The following RCVRN variants were observed in gnomAD, a reference collection of about 807,000 sequenced individuals.
RCVRN encodes the protein cancer associated retinopathy antigen.
A neutral mutation model predicts 20.4 loss-of-function variants in RCVRN; 23 were observed. The ratio of observed to expected loss-of-function variants is 1.13; its 90% CI spans 0.81 to 1.60. The LOEUF (loss-of-function observed/expected upper bound fraction) is 1.60, where lower values mean the gene tolerates loss of function less well. Among genes scored for constraint, RCVRN ranks in the 40% most tolerant of loss-of-function variants. The pLI, the probability that RCVRN is intolerant of heterozygous loss-of-function variation, is 0.00. For synonymous variants in RCVRN, 105 were observed against 105.9 expected (o/e 0.99, Z 0.05); for missense variants, 254 against 254.2 (o/e 1.00, Z 0.00).
In RCVRN at chr17:9,897,848, T is replaced by C; in HGVS notation, c.*247A>G. On this transcript the variant is annotated 3_prime_UTR_variant, in exon 3 of 3. Coordinates refer to ENST00000226193, the MANE Select transcript of RCVRN (RefSeq NM_002903.3). Reference sequence around the variant, plus strand: ...ATGGGCTGGTGGACAGAGGGAGGGGTGGGACCGGGCATGATGGGAGGGAAT... The same window carrying C: ...ATGGGCTGGTGGACAGAGGGAGGGGCGGGACCGGGCATGATGGGAGGGAAT... 4 of 475,024 alleles carry C rather than the reference T, an allele frequency of 8.4e-6. No individual in the cohort carries two copies. The highest frequency in any genetic ancestry group is 1.5e-5 in the Non-Finnish European group (4 of 263,456). The allele number at this position is 475,024 out of a possible 1,614,324, so 29.4% of individuals were successfully genotyped here. A position where few individuals can be genotyped will look rare whatever the true frequency, so the allele number is the denominator to read the frequency against.
At position 9,897,774 on chromosome 17, in the gene RCVRN, G is replaced by A. The variant is rs1484942830; in HGVS notation, c.*321C>T. Reference sequence around the variant, plus strand: ...CACTCCACAAAGGAGCTTACAGCGGGGTGACACTTAGGACTCCTATGGCCT... The same window carrying A: ...CACTCCACAAAGGAGCTTACAGCGGAGTGACACTTAGGACTCCTATGGCCT... On this transcript the variant is annotated 3_prime_UTR_variant, in exon 3 of 3. Coordinates refer to ENST00000226193, the MANE Select transcript of RCVRN (RefSeq NM_002903.3). 3 of 246,834 alleles carry A rather than the reference G, an allele frequency of 1.2e-5. No individual in the cohort carries two copies. Among genetic ancestry groups the A allele is most frequent in the African/African-American group, 6.7e-5 (3 of 44,756 alleles). 15.3% of individuals were successfully genotyped at this position (246,834 alleles called of 1,614,324 possible). A position where few individuals can be genotyped will look rare whatever the true frequency, so the allele number is the denominator to read the frequency against.
In RCVRN at chr17:9,899,173, C is replaced by T. The variant is rs911648878; in HGVS notation, c.494-969G>A. ...ATGTTCACAGTGCCTAGCACAGAGT[C>T]GGTGCTCAACAAAGCTTTGCTGAAC... On this transcript the variant is annotated intron_variant, in intron 2 of 2. Transcript: ENST00000226193. The surrounding 1 kb of genome is among the most constrained non-coding windows in gnomAD (Gnocchi z 4.6). Among the ~76,000 whole-genome samples the T allele has an allele frequency of 1.6e-4, 24 of 152,156 alleles. No individual in the cohort carries two copies. The highest frequency in any genetic ancestry group is 1.9e-4 in the East Asian group (1 of 5,196).
intron 2 of RCVRN, among the ~76,000 whole-genome samples, chr17:9,898,967 G>A (rs1234183993): frequency 6.6e-6 from 1 of 152,152 alleles, no homozygotes; most frequent in Non-Finnish European, 1.5e-5. Context: ...CCAGTTAAAT[G>A]CATGGTCCTG....
At chr17:9,901,264 A>G (rs1253082271) in intron 1 of RCVRN, 164 bp from the exon 2 acceptor site, 20 of 442,794 alleles carry the variant, frequency 4.5e-5, no homozygotes, top group Non-Finnish European at 4.0e-6. Context: ...ACGTAGGGGA[A>G]AAGCTTCTTG....
rs1190079074 is a variant in RCVRN at position 9,897,955 on chromosome 17, C to T, written c.*140G>A. 4 of 665,102 alleles carry T rather than the reference C, an allele frequency of 6.0e-6. No individual in the cohort carries two copies. Among genetic ancestry groups the T allele is most frequent in the South Asian group, 1.7e-5 (1 of 57,356 alleles). 41.2% of individuals were successfully genotyped at this position (665,102 alleles called of 1,614,324 possible). Reference sequence around the variant, plus strand: ...GGGAGCTGTGCTGTGGGCTTGTGTGCAGGCCTTTCTCTTGGCCCTGGGGTG... The same window carrying T: ...GGGAGCTGTGCTGTGGGCTTGTGTGTAGGCCTTTCTCTTGGCCCTGGGGTG... On this transcript the variant is annotated 3_prime_UTR_variant, in exon 3 of 3. Transcript: ENST00000226193.
At position 9,897,138 on chromosome 17, in the gene RCVRN, C is replaced by A. The variant is rs932383222; in HGVS notation, c.*957G>T. On this transcript the variant is annotated 3_prime_UTR_variant, in exon 3 of 3. Transcript: ENST00000226193. ...TTACAAACATAAACCCCTCCTACTT[C>A]CAACTCCACAGTGGCACCGCTGTCC... 6.6e-6 allele frequency: 1 copy of A among 152,308 alleles called. No individual in the cohort carries two copies. Among genetic ancestry groups the A allele is most frequent in the Admixed American group, 6.5e-5 (1 of 15,278 alleles). The allele number at this position is 152,308 out of a possible 1,614,324, so 9.4% of individuals were successfully genotyped here. A position where few individuals can be genotyped will look rare whatever the true frequency, so the allele number is the denominator to read the frequency against.
rs765973361 is a variant in RCVRN at position 9,904,756 on chromosome 17, C to T, written c.381+44G>A. On this transcript the variant is annotated intron_variant, in intron 1 of 2. Transcript: ENST00000226193. This position sits in a 1 kb window ranked among gnomAD's most constrained non-coding sequence, Gnocchi z 5.8. ...GCAGCAGGGGACCCCCAGCCCGGAG[C>T]GACCCCGGCACCGCCCAGCCAGAAG... 60 of 1,579,496 alleles carry T rather than the reference C, an allele frequency of 3.8e-5. No individual in the cohort carries two copies. Among genetic ancestry groups the T allele is most frequent in the Admixed American group, 3.8e-4 (22 of 58,272 alleles).
chr17:9,897,999 T>TGTGTGTGTGTGTGC lies in RCVRN; in HGVS notation c.*95_*96insGCACACACACACAC, dbSNP rs376748693. On this transcript the variant is annotated 3_prime_UTR_variant, in exon 3 of 3. Coordinates refer to ENST00000226193, the MANE Select transcript of RCVRN (RefSeq NM_002903.3). ...TGGGGTGGATGTGTGTGTGTGTGTG[T>TGTGTGTGTGTGTGC]GCGCGCGCGTGTGTGTGCATGTGTG... 6.8e-6 allele frequency: 5 copies of TGTGTGTGTGTGTGC among 731,254 alleles called. No homozygotes were observed. Among genetic ancestry groups the TGTGTGTGTGTGTGC allele is most frequent in the African/African-American group, 1.7e-5 (1 of 57,814 alleles). The allele number at this position is 731,254 out of a possible 1,614,324, so 45.3% of individuals were successfully genotyped here.
At position 9,897,054 on chromosome 17, in the gene RCVRN, A is replaced by G. The variant is rs925445773; in HGVS notation, c.*1041T>C. On this transcript the variant is annotated 3_prime_UTR_variant, in exon 3 of 3. Transcript: ENST00000226193. ...AAAAGCTTATTCATCGGGCTCCCTG[A>G]CTCCAGGGAGCCCCCAGTTGCTCCT... The G allele has an allele frequency of 2.2e-4, 33 of 151,578 alleles. No individual in the cohort carries two copies. The highest frequency in any genetic ancestry group is 7.8e-4 in the African/African-American group (32 of 41,118). The allele number at this position is 151,578 out of a possible 1,614,324, so 9.4% of individuals were successfully genotyped here.
Position 9,898,006 on chromosome 17 carries a change from G to T in RCVRN, c.*89C>A. ...GATGTGTGTGTGTGTGTGTGCGCGC[G>T]CGTGTGTGTGCATGTGTGTGTGTGT... is the stretch of plus-strand genomic sequence containing the variant. On this transcript the variant is annotated 3_prime_UTR_variant, in exon 3 of 3. Coordinates refer to ENST00000226193, the MANE Select transcript of RCVRN (RefSeq NM_002903.3). 1.2e-6 allele frequency: 1 copy of T among 807,792 alleles called. No homozygotes were observed. Among genetic ancestry groups the T allele is most frequent in the East Asian group, 2.4e-5 (1 of 40,904 alleles). 50.0% of individuals were successfully genotyped at this position (807,792 alleles called of 1,614,324 possible).
intron 1 of RCVRN, 32 bp from the exon 2 acceptor site, chr17:9,901,132 G>A: frequency 7.5e-7 from 1 of 1,341,732 alleles, no homozygotes; most frequent in Non-Finnish European, 1.1e-6. Flanking sequence ...AACTCGTTAG[G>A]AGGAACTTTA....
In RCVRN at chr17:9,897,840, G is replaced by T; in HGVS notation, c.*255C>A. On this transcript the variant is annotated 3_prime_UTR_variant, in exon 3 of 3. Coordinates refer to ENST00000226193, the MANE Select transcript of RCVRN (RefSeq NM_002903.3). ...ACAGGGCCATGGGCTGGTGGACAGAGGGAGGGGTGGGACCGGGCATGATGG... is the reference window on the plus strand; with the variant it reads ...ACAGGGCCATGGGCTGGTGGACAGATGGAGGGGTGGGACCGGGCATGATGG... The T allele has an allele frequency of 2.1e-6, 1 of 472,016 alleles. No homozygotes were observed. Among genetic ancestry groups the T allele is most frequent in the Non-Finnish European group, 3.8e-6 (1 of 260,934 alleles). The allele number at this position is 472,016 out of a possible 1,614,324, so 29.2% of individuals were successfully genotyped here.
In RCVRN at chr17:9,899,065, C is replaced by T. The variant is rs574644596; in HGVS notation, c.494-861G>A. Among the ~76,000 whole-genome samples, 151 of 152,264 alleles carry T rather than the reference C, an allele frequency of 9.9e-4. No homozygotes were observed. Among genetic ancestry groups the T allele is most frequent in the African/African-American group, 2.3e-3 (94 of 41,550 alleles). On this transcript the variant is annotated intron_variant, in intron 2 of 2. Coordinates refer to ENST00000226193, the MANE Select transcript of RCVRN (RefSeq NM_002903.3). The surrounding 1 kb of genome is among the most constrained non-coding windows in gnomAD (Gnocchi z 4.6). ...TAGAAGAGAGTGAGATGAAGTCCCT[C>T]CCTGGGAAACTGTTGACCTGGCGGG... is the stretch of plus-strand genomic sequence containing the variant.
rs747702153 is a variant in RCVRN, at chr17:9,905,202, G to A, written c.-22C>T. ...CCATGAGTGAGGAAGAGTGGGCAGC[G>A]GCTGGGGAGTCGCTGGGTGGGTGGG... On this transcript the variant is annotated 5_prime_UTR_variant, in exon 1 of 3. Coordinates refer to ENST00000226193, the MANE Select transcript of RCVRN (RefSeq NM_002903.3). 2.3e-5 allele frequency: 36 copies of A among 1,585,922 alleles called. No individual in the cohort carries two copies. The highest frequency in any genetic ancestry group is 1.3e-4 in the East Asian group (6 of 44,468).
In RCVRN at chr17:9,899,101, A is replaced by G. The variant is rs2067331157; in HGVS notation, c.494-897T>C. Among the ~76,000 whole-genome samples the G allele has an allele frequency of 1.3e-5, 2 of 152,192 alleles. No individual in the cohort carries two copies. The highest frequency in any genetic ancestry group is 4.8e-5 in the African/African-American group (2 of 41,440). ...TGTTGACCTGGCGGGGAAGGCAGTC[A>G]CACGCAGAAATACCTCTAGCATGAG... On this transcript the variant is annotated intron_variant, in intron 2 of 2. Transcript: ENST00000226193. The surrounding 1 kb of genome is among the most constrained non-coding windows in gnomAD (Gnocchi z 4.6).
At chr17:9,902,441 G>A (rs1437378112) in intron 1 of RCVRN, among the ~76,000 whole-genome samples, 1 of 152,046 alleles carries the variant, frequency 6.6e-6, no homozygotes, top group Non-Finnish European at 1.5e-5. Flanking sequence ...TTGTCATCAT[G>A]CAAATGAAAG....
Position 9,904,366 on chromosome 17 carries a change from G to A in RCVRN, c.381+434C>T, listed in dbSNP as rs2067353863. On this transcript the variant is annotated intron_variant, in intron 1 of 2. Coordinates refer to ENST00000226193, the MANE Select transcript of RCVRN (RefSeq NM_002903.3). This position sits in a 1 kb window ranked among gnomAD's most constrained non-coding sequence, Gnocchi z 5.8. ...GTCAGTGAGTGAGTAGTGAGTGAAT[G>A]TGAAGAACTAGGACATTACCGTACA... Among the ~76,000 whole-genome samples, 1 of 152,222 alleles carries A rather than the reference G, an allele frequency of 6.6e-6. No individual in the cohort carries two copies. Among genetic ancestry groups the A allele is most frequent in the South Asian group, 2.1e-4 (1 of 4,828 alleles).
intron 1 of RCVRN, among the ~76,000 whole-genome samples, chr17:9,902,827 G>A (rs541322360): frequency 5.3e-5 from 8 of 152,062 alleles, no homozygotes; most frequent in Admixed American, 1.3e-4. Flanking sequence ...GTGAAACCCC[G>A]TCTCTACTAA....
Position 9,904,056 on chromosome 17 carries a change from C to T in RCVRN, c.381+744G>A, listed in dbSNP as rs1232821211. ...GGGAGTTTGAGACCAGCCTGACCAA[C>T]ATGGTGAAACCCCGTCTCTACTAAA... On this transcript the variant is annotated intron_variant, in intron 1 of 2. Coordinates refer to ENST00000226193, the MANE Select transcript of RCVRN (RefSeq NM_002903.3). The surrounding 1 kb of genome is among the most constrained non-coding windows in gnomAD (Gnocchi z 5.8). Among the ~76,000 whole-genome samples, 2 of 152,136 alleles carry T rather than the reference C, an allele frequency of 1.3e-5. No homozygotes were observed. The highest frequency in any genetic ancestry group is 2.9e-5 in the Non-Finnish European group (2 of 68,030).
Sources: allele counts gnomAD v4.1 joint callset (sites outside exome capture counted in the v4.1 genomes callset), GRCh38; gene constraint gnomAD v4.1.1; non-coding constraint Gnocchi (gnomAD v3.1); transcripts MANE v1.5; gene names NCBI Gene and HGNC (gene_info 2026-07-23, HGNC 2026-07-21).